SPSB4: variants seen among roughly 807,000 people sequenced by gnomAD.
SPSB4 encodes the protein splA/ryanodine receptor domain and SOCS box containing 4.
A neutral mutation model predicts 20.9 loss-of-function variants in SPSB4; 21 were observed. The ratio of observed to expected loss-of-function variants is 1.01; its 90% CI spans 0.71 to 1.45. The LOEUF (loss-of-function observed/expected upper bound fraction) is 1.45. Among genes scored for constraint, SPSB4 ranks in the 40% most tolerant of loss-of-function variants. The pLI, the probability that SPSB4 is intolerant of heterozygous loss-of-function variation, is 0.00. For synonymous variants in SPSB4, 207 were observed against 183.8 expected, an observed-to-expected ratio of 1.13 and a Z score of -1.02; for missense variants, 399 against 399.2, an observed-to-expected ratio of 1.00 and a Z score of 0.00.
intron 2 of SPSB4, among the ~76,000 whole-genome samples, chr3:141,101,954 GC>G (rs1446033219): frequency 6.6e-6 from 1 of 152,210 alleles, no homozygotes; most frequent in African/African-American, 2.4e-5. Context: ...CTTCTCAAGG[GC>G]CCTTTCCTCC....
intron 2 of SPSB4, among the ~76,000 whole-genome samples, chr3:141,145,024 G>A (rs969049486): frequency 5.3e-5 from 8 of 152,066 alleles, no homozygotes; most frequent in Non-Finnish European, 1.2e-4. Flanking sequence ...TGTTGGCCTA[G>A]GCACAGTGAT....
chr3:141,100,984 G>A lies in SPSB4; in HGVS notation c.694+34186G>A, dbSNP rs1045402206. Among the ~76,000 whole-genome samples the A allele has an allele frequency of 7.2e-5, 11 of 152,174 alleles. No individual in the cohort carries two copies. In the South Asian group the frequency reaches 1.2e-3, roughly 17 times the overall value. ...GACAGATAGCTGCCCCTCTGGTAGC[G>A]GGGATGCATGATGGCCAAGAAGGGA... On this transcript the variant is annotated intron_variant, in intron 2 of 2. Transcript: ENST00000310546.
chr3:141,090,858 A>C (rs1291838049), intron 2 of SPSB4, among the ~76,000 whole-genome samples: 1 of 152,228 alleles, frequency 6.6e-6, no homozygotes, highest in Non-Finnish European at 1.5e-5. Flanking sequence ...AGGCTATTTC[A>C]ATTAAGGTAA....
chr3:141,107,607 G>A (rs937521728), intron 2 of SPSB4, among the ~76,000 whole-genome samples: 4 of 152,204 alleles, frequency 2.6e-5, no homozygotes, highest in African/African-American at 9.7e-5. Context: ...ATATCATCCT[G>A]TAACTATTGG....
intron 2 of SPSB4, among the ~76,000 whole-genome samples, chr3:141,106,824 T>C (rs1274620716): frequency 6.6e-6 from 1 of 152,090 alleles, no homozygotes; most frequent in African/African-American, 2.4e-5. Context: ...CTACCTGAAA[T>C]AACAGGATCT....
intron 1 of SPSB4, among the ~76,000 whole-genome samples, chr3:141,061,064 A>G (rs1435660104): frequency 2.0e-5 from 3 of 151,790 alleles, no homozygotes; most frequent in Non-Finnish European, 4.4e-5. Context: ...GTTATTTCCC[A>G]TTTTCATTTC....
chr3:141,107,357 G>T (rs189439000), intron 2 of SPSB4, among the ~76,000 whole-genome samples: 2 of 152,128 alleles, frequency 1.3e-5, no homozygotes, highest in South Asian at 4.2e-4. Flanking sequence ...CACTGGAAAG[G>T]TGTGTTCATA....
At chr3:141,083,736 C>T (rs1452430043) in intron 2 of SPSB4, among the ~76,000 whole-genome samples, 2 of 152,144 alleles carry the variant, frequency 1.3e-5, no homozygotes, top group African/African-American at 4.8e-5. Flanking sequence ...GACCTTAGTC[C>T]ATATTGCCCA....
intron 1 of SPSB4, among the ~76,000 whole-genome samples, chr3:141,063,044 G>A (rs1307165878): frequency 1.3e-5 from 2 of 152,108 alleles, no homozygotes; most frequent in Non-Finnish European, 2.9e-5. Context: ...CTTTTGCTCT[G>A]AATTTTGGTG....
chr3:141,052,023 G>C (rs976156791), intron 1 of SPSB4, 31 bp downstream of exon 1: 9 of 152,696 alleles, frequency 5.9e-5, no homozygotes, highest in African/African-American at 1.9e-4. Flanking sequence ...GGTGAGGGGC[G>C]CGCGGGGGCC....
At chr3:141,111,216 T>G (rs1411023792) in intron 2 of SPSB4, among the ~76,000 whole-genome samples, 1 of 152,196 alleles carries the variant, frequency 6.6e-6, no homozygotes, top group East Asian at 1.9e-4. Context: ...GTGAGACTAT[T>G]TATATCACTC....
At chr3:141,136,015 A>G (rs1452009734) in intron 2 of SPSB4, among the ~76,000 whole-genome samples, 2 of 151,880 alleles carry the variant, frequency 1.3e-5, no homozygotes, top group Admixed American at 1.3e-4. Flanking sequence ...TTGTTTCCTG[A>G]CTTTTTAATG....
At chr3:141,115,250 G>C (rs548849202) in intron 2 of SPSB4, 8 of 152,210 alleles carry the variant, frequency 5.3e-5, no homozygotes, top group Admixed American at 4.6e-4. Context: ...GGTTGGATCC[G>C]ATCTCTGGCA....
At chr3:141,088,208 A>G (rs1407136268) in intron 2 of SPSB4, among the ~76,000 whole-genome samples, 1 of 152,190 alleles carries the variant, frequency 6.6e-6, no homozygotes, top group Non-Finnish European at 1.5e-5. Flanking sequence ...GCTGGCTTCA[A>G]GGGAAGTTGT....
At chr3:141,064,655 A>C (rs1488929363) in intron 1 of SPSB4, among the ~76,000 whole-genome samples, 1 of 152,170 alleles carries the variant, frequency 6.6e-6, no homozygotes, top group East Asian at 1.9e-4. Flanking sequence ...TGGGGAGGGC[A>C]GGGCATGAAA....
chr3:141,064,568 T>C (rs1937826317), intron 1 of SPSB4, among the ~76,000 whole-genome samples: 1 of 152,154 alleles, frequency 6.6e-6, no homozygotes, highest in African/African-American at 2.4e-5. Flanking sequence ...GTCTGTGCTG[T>C]GTGGCAGCAG....
intron 2 of SPSB4, among the ~76,000 whole-genome samples, chr3:141,131,892 G>T (rs1043070544): frequency 4.6e-5 from 7 of 152,302 alleles, no homozygotes; most frequent in Admixed American, 4.6e-4. Flanking sequence ...TTTCCAAAGT[G>T]GTTGTGCAGT....
chr3:141,104,710 C>T (rs939190017), intron 2 of SPSB4, among the ~76,000 whole-genome samples: 1 of 152,310 alleles, frequency 6.6e-6, no homozygotes, highest in Non-Finnish European at 1.5e-5. Flanking sequence ...GCACAGGCTG[C>T]GCGGCCGGCC....
At chr3:141,122,180 T>C (rs922568033) in intron 2 of SPSB4, among the ~76,000 whole-genome samples, 4 of 152,234 alleles carry the variant, frequency 2.6e-5, no homozygotes, top group Non-Finnish European at 5.9e-5. Context: ...GCCTCTCAGA[T>C]GCAGGTCTTT....
Sources: allele counts gnomAD v4.1 joint callset (sites outside exome capture counted in the v4.1 genomes callset), GRCh38; gene constraint gnomAD v4.1.1; transcripts MANE v1.5; gene names NCBI Gene and HGNC (gene_info 2026-07-23, HGNC 2026-07-21).